SLC37A1: variants seen among roughly 807,000 people sequenced by gnomAD.
SLC37A1 encodes solute carrier family 37 member 1.
In SLC37A1, 49 loss-of-function variants were observed where a neutral mutation model predicts 75.3. The ratio of observed to expected loss-of-function variants is 0.65; its 90% CI spans 0.52 to 0.83. The LOEUF (loss-of-function observed/expected upper bound fraction) is 0.83, where lower values mean the gene tolerates loss of function less well. Among genes scored for constraint, SLC37A1 ranks in the 40% least tolerant of loss-of-function variants. The probability of loss-of-function intolerance (pLI) is 0.00; values close to 1 mark genes in which losing one functional copy is unlikely to be tolerated. For synonymous variants in SLC37A1, 268 were observed against 292.1 expected, an observed-to-expected ratio of 0.92 and a Z score of 0.84; for missense variants, 566 against 695.0, an observed-to-expected ratio of 0.81 and a Z score of 2.09.
rs1459417595 is a variant in SLC37A1 at position 42,580,535 on chromosome 21, G to A, written c.*175G>A. ...GAACCCCTGGTGCTATTTTAAAGGA[G>A]ACATATTGCTGAACAGCAGTGAGAA... On this transcript the variant is annotated 3_prime_UTR_variant, in exon 20 of 20. Coordinates refer to ENST00000352133, the MANE Select transcript of SLC37A1 (RefSeq NM_001320537.2). 2 of 663,876 alleles carry A rather than the reference G, an allele frequency of 3.0e-6. No individual in the cohort carries two copies. The highest frequency in any genetic ancestry group is 5.1e-6 in the Non-Finnish European group (2 of 393,986). 41.1% of individuals were successfully genotyped at this position (663,876 alleles called of 1,614,324 possible).
chr21:42,535,354 C>T lies in SLC37A1; in HGVS notation c.272-118C>T, dbSNP rs191561792. ...GCCTTGTTTTCTATGTGGAAAACCACGCGTTTCACTAAGTACACCCCGATT... is the reference window on the plus strand; with the variant it reads ...GCCTTGTTTTCTATGTGGAAAACCATGCGTTTCACTAAGTACACCCCGATT... On this transcript the variant is annotated intron_variant, in intron 4 of 19. Transcript: ENST00000352133. 23 of 808,846 alleles carry T rather than the reference C, an allele frequency of 2.8e-5. No individual in the cohort carries two copies. The East Asian group carries it at 4.2e-4, about 15-fold the overall frequency. 50.1% of individuals were successfully genotyped at this position (808,846 alleles called of 1,614,324 possible). A position where few individuals can be genotyped will look rare whatever the true frequency, so the allele number is the denominator to read the frequency against.
chr21:42,536,083 C>CAG (rs1206607295), intron 5 of SLC37A1, among the ~76,000 whole-genome samples: 2 of 152,196 alleles, frequency 1.3e-5, no homozygotes, highest in African/African-American at 4.8e-5. Flanking sequence ...TGGGGAACTC[C>CAG]AGAGAGAGAC....
intron 2 of SLC37A1, among the ~76,000 whole-genome samples, 156 bp from the exon 3 acceptor site, chr21:42,525,620 T>C (rs573928882): frequency 2.0e-5 from 3 of 152,266 alleles, no homozygotes; most frequent in Non-Finnish European, 2.9e-5. Context: ...TATTTTTTAA[T>C]GTTCCAATAT....
Position 42,547,007 on chromosome 21 carries a change from G to A in SLC37A1, c.731-96G>A, listed in dbSNP as rs558287928. ...CTGCATACAGTCCAGTTTCACACCC[G>A]GTGCTCCCGTGTTGCCCTGTCCTCG... On this transcript the variant is annotated intron_variant, in intron 8 of 19. Transcript: ENST00000352133. The surrounding 1 kb of genome is among the most constrained non-coding windows in gnomAD (Gnocchi z 6.1). 4.2e-5 allele frequency: 60 copies of A among 1,424,922 alleles called. 1 individual carries two copies. Among genetic ancestry groups the A allele is most frequent in the South Asian group, 1.3e-4 (11 of 86,174 alleles). The allele number at this position is 1,424,922 out of a possible 1,614,324, so 88.3% of individuals were successfully genotyped here. A position where few individuals can be genotyped will look rare whatever the true frequency, so the allele number is the denominator to read the frequency against.
At chr21:42,538,878 G>A (rs1056445811) in intron 5 of SLC37A1, among the ~76,000 whole-genome samples, 1 of 152,236 alleles carries the variant, frequency 6.6e-6, no homozygotes, top group Non-Finnish European at 1.5e-5. Context: ...TAGCTGTTTA[G>A]TGAATCGCAT....
intron 3 of SLC37A1, among the ~76,000 whole-genome samples, chr21:42,529,449 G>A (rs1049306828): frequency 3.3e-5 from 5 of 152,114 alleles, no homozygotes; most frequent in Non-Finnish European, 7.4e-5. Context: ...AGCTACTTGG[G>A]AGACTGACGC....
Position 42,548,630 on chromosome 21 carries a change from G to C in SLC37A1, c.768+1490G>C, listed in dbSNP as rs146430111. On this transcript the variant is annotated intron_variant, in intron 9 of 19. Transcript: ENST00000352133. The surrounding 1 kb of genome is among the most constrained non-coding windows in gnomAD (Gnocchi z 5.6). ...CCACTGCTCATCAGCCTCCTAGAACGATCCACTCTTGCTCCCCAGAATCTC... is the reference window on the plus strand; with the variant it reads ...CCACTGCTCATCAGCCTCCTAGAACCATCCACTCTTGCTCCCCAGAATCTC... Among the ~76,000 whole-genome samples the C allele has an allele frequency of 6.6e-6, 1 of 152,144 alleles. No individual in the cohort carries two copies. The highest frequency in any genetic ancestry group is 1.5e-5 in the Non-Finnish European group (1 of 68,026).
chr21:42,564,583 G>A lies in SLC37A1; in HGVS notation c.1136-125G>A, dbSNP rs917594004. ...AGGGCTGTGAGAAGGCTGCCTGCCC[G>A]TGATGCATGGAGAGAGGGGCTTGGG... is the stretch of plus-strand genomic sequence containing the variant. On this transcript the variant is annotated intron_variant, in intron 13 of 19. Transcript: ENST00000352133. 77 of 726,420 alleles carry A rather than the reference G, an allele frequency of 1.1e-4. No homozygotes were observed. The East Asian group carries it at 1.4e-3, about 13-fold the overall frequency. The allele number at this position is 726,420 out of a possible 1,614,324, so 45.0% of individuals were successfully genotyped here.
chr21:42,558,898 C>T, intron 10 of SLC37A1, 60 bp from the exon 11 acceptor site: 1 of 1,608,814 alleles, frequency 6.2e-7, no homozygotes, highest in Non-Finnish European at 8.5e-7. Flanking sequence ...GGCCCCACTT[C>T]ACCCAGACTG....
In SLC37A1 at chr21:42,534,865, C is replaced by T. The variant is rs147371667; in HGVS notation, c.271+35C>T. On this transcript the variant is annotated intron_variant, in intron 4 of 19. Coordinates refer to ENST00000352133, the MANE Select transcript of SLC37A1 (RefSeq NM_001320537.2). ...TTATCGGTCCGTCCAGGAGCCGAAGCGGCTGTCCTTCCAGCCTTGCTATTA... is the reference window on the plus strand; with the variant it reads ...TTATCGGTCCGTCCAGGAGCCGAAGTGGCTGTCCTTCCAGCCTTGCTATTA... 1.0e-3 allele frequency: 1,670 copies of T among 1,601,324 alleles called. 16 individuals carry two copies. In the African/African-American group the frequency reaches 0.016, roughly 15 times the overall value.
intron 18 of SLC37A1, chr21:42,575,784 C>T (rs957959659): frequency 4.1e-6 from 4 of 985,264 alleles, no homozygotes; most frequent in South Asian, 4.7e-5. Flanking sequence ...TAAAACTCAA[C>T]TTCCCCACCA....
intron 18 of SLC37A1, among the ~76,000 whole-genome samples, chr21:42,577,920 C>G (rs1474485042): frequency 6.6e-6 from 1 of 152,198 alleles, no homozygotes; most frequent in Non-Finnish European, 1.5e-5. Context: ...AAGAAAGAGA[C>G]CTAAAGCTGA....
At chr21:42,517,743 A>G (rs1026752541) in intron 1 of SLC37A1, among the ~76,000 whole-genome samples, 2 of 152,222 alleles carry the variant, frequency 1.3e-5, no homozygotes, top group Admixed American at 1.3e-4. Context: ...AGGAGATGAA[A>G]AATGAAGAGG....
At chr21:42,553,671 T>G (rs1204982484) in intron 9 of SLC37A1, among the ~76,000 whole-genome samples, 1 of 152,178 alleles carries the variant, frequency 6.6e-6, no homozygotes, top group Non-Finnish European at 1.5e-5. Context: ...GAGACGGTTT[T>G]TTTTTTTTCC....
intron 10 of SLC37A1, among the ~76,000 whole-genome samples, chr21:42,554,958 TTTTG>T (rs1317220894): frequency 4.3e-4 from 64 of 150,464 alleles, no homozygotes; most frequent in African/African-American, 7.0e-4. Context: ...TAGATCAGGT[TTTTG>T]TTTGTTTGGT....
intron 1 of SLC37A1, among the ~76,000 whole-genome samples, chr21:42,502,104 T>C (rs140593250): frequency 6.6e-6 from 1 of 152,356 alleles, no homozygotes; most frequent in East Asian, 1.9e-4. Context: ...GCTCAGGTTT[T>C]AAAATCTTTT....
chr21:42,551,276 C>T (rs1193097979), intron 9 of SLC37A1, among the ~76,000 whole-genome samples: 1 of 152,178 alleles, frequency 6.6e-6, no homozygotes, highest in African/African-American at 2.4e-5. Context: ...AGTCAACAAT[C>T]CAAAGATGAA....
intron 3 of SLC37A1, among the ~76,000 whole-genome samples, chr21:42,530,641 CACACACACACACA>C (rs2054932701): frequency 4.7e-4 from 15 of 31,896 alleles, no homozygotes; most frequent in East Asian, 1.4e-3. Context: ...CACACACACA[CACACACACACACA>C]CCCCCTCTGT....
chr21:42,569,420 C>T (rs1359459089), intron 17 of SLC37A1, among the ~76,000 whole-genome samples: 1 of 152,248 alleles, frequency 6.6e-6, no homozygotes, highest in Non-Finnish European at 1.5e-5. Flanking sequence ...GAAGGCCAGG[C>T]TGGCCCCCGT....
Sources: allele counts gnomAD v4.1 joint callset (sites outside exome capture counted in the v4.1 genomes callset), GRCh38; gene constraint gnomAD v4.1.1; non-coding constraint Gnocchi (gnomAD v3.1); transcripts MANE v1.5; gene names NCBI Gene and HGNC (gene_info 2026-07-23, HGNC 2026-07-21).